FBXO25: variants seen among roughly 807,000 people sequenced by gnomAD.
The protein encoded by FBXO25 is F-box protein 25, also known as F-box only protein 25.
FBXO25 carries 45 observed loss-of-function variants against 51.9 expected under a neutral mutation model. That is an observed-to-expected ratio of 0.87 (90% CI 0.68 to 1.11). The LOEUF is 1.11. FBXO25 is among the 50% of genes most tolerant of loss of function. FBXO25 has a pLI of 0.00. For synonymous variants in FBXO25, 199 were observed against 151.0 expected, an observed-to-expected ratio of 1.32 and a Z score of -2.33; for missense variants, 507 against 428.5, an observed-to-expected ratio of 1.18 and a Z score of -1.62.
chr8:450,144 A>G (rs1038679282), intron 6 of FBXO25, 61 bp downstream of exon 6: 145 of 1,264,080 alleles, frequency 1.1e-4, no homozygotes, highest in Middle Eastern at 9.6e-4. Context: ...GTGCAAGGAG[A>G]TGGGATTTTT....
intron 2 of FBXO25, among the ~76,000 whole-genome samples, chr8:420,016 G>A (rs1248368197): frequency 6.6e-6 from 1 of 152,216 alleles, no homozygotes; most frequent in Admixed American, 6.5e-5. Flanking sequence ...ATGCAAATAA[G>A]CAGAGAAAAA....
chr8:439,295 G>A (rs188198752), intron 5 of FBXO25, among the ~76,000 whole-genome samples: 10 of 152,326 alleles, frequency 6.6e-5, no homozygotes, highest in South Asian at 2.1e-4. Context: ...CGAACAGCCC[G>A]AGGCTTGGGA....
intron 2 of FBXO25, among the ~76,000 whole-genome samples, chr8:427,828 A>T (rs1382714488): frequency 2.0e-5 from 3 of 150,796 alleles, no homozygotes; most frequent in African/African-American, 7.3e-5. Context: ...TAGCAATTTT[A>T]AAAACCGGAG....
At chr8:454,707 C>T (rs1046643416) in intron 7 of FBXO25, among the ~76,000 whole-genome samples, 1 of 151,908 alleles carries the variant, frequency 6.6e-6, no homozygotes, top group Non-Finnish European at 1.5e-5. Context: ...CTGGCTAACA[C>T]GGTGAAATCC....
rs2086182303 is a variant in FBXO25, at chr8:475,212, C to T, written c.*6408C>T. The stretch of plus-strand genomic sequence containing the variant: ...TTGTTGAAAAGACTGTCCTTTCTCC[C>T]TTGAATGGTCTTGGCACCATCAAAA... On this transcript the variant is annotated 3_prime_UTR_variant, in exon 10 of 10. Transcript: ENST00000350302. 3.1e-6 allele frequency: 1 copy of T among 321,656 alleles called. No individual in the cohort carries two copies. The highest frequency in any genetic ancestry group is 2.2e-5 in the African/African-American group (1 of 45,424). 19.9% of individuals were successfully genotyped at this position (321,656 alleles called of 1,614,324 possible).
At chr8:465,627 G>A (rs2116844021) in intron 9 of FBXO25, among the ~76,000 whole-genome samples, 1 of 152,254 alleles carries the variant, frequency 6.6e-6, no homozygotes, top group East Asian at 1.9e-4. Flanking sequence ...TCAGATTTCA[G>A]ATTTTTTTCA....
chr8:455,815 G>T (rs1799388353), intron 7 of FBXO25, among the ~76,000 whole-genome samples: 1 of 152,202 alleles, frequency 6.6e-6, no homozygotes, highest in African/African-American at 2.4e-5. Context: ...AACGCAGCAG[G>T]ATTTCTGACA....
At chr8:445,577 G>A (rs1269315177) in intron 5 of FBXO25, among the ~76,000 whole-genome samples, 1 of 152,208 alleles carries the variant, frequency 6.6e-6, no homozygotes, top group African/African-American at 2.4e-5. Context: ...ACTGGGCTGG[G>A]TGCAGTGGCT....
rs908188962 is a variant in FBXO25 at position 469,677 on chromosome 8, G to C, written c.*873G>C. ...TTTAAAATAACGCATGTCCATTTTA[G>C]AAAATTAGAAAATCAGTCCCACCAC... On this transcript the variant is annotated 3_prime_UTR_variant, in exon 10 of 10. Coordinates refer to ENST00000350302, the MANE Select transcript of FBXO25 (RefSeq NM_183420.2). 1 of 151,856 alleles carries C rather than the reference G, an allele frequency of 6.6e-6. No individual in the cohort carries two copies. Among genetic ancestry groups the C allele is most frequent in the African/African-American group, 2.4e-5 (1 of 41,298 alleles). The allele number at this position is 151,856 out of a possible 1,614,324, so 9.4% of individuals were successfully genotyped here. A position where few individuals can be genotyped will look rare whatever the true frequency, so the allele number is the denominator to read the frequency against.
Position 475,369 on chromosome 8 carries a change from G to A in FBXO25, c.*6565G>A, listed in dbSNP as rs7837120. On this transcript the variant is annotated 3_prime_UTR_variant, in exon 10 of 10. Coordinates refer to ENST00000350302, the MANE Select transcript of FBXO25 (RefSeq NM_183420.2). ...GCTTTGTCGTAAGTTATGAAATAAG[G>A]AAGTGAGAGACCTCCTACTTGGTTC... The A allele has an allele frequency of 0.026, 4,066 of 156,824 alleles. 168 individuals are homozygous for A. The highest frequency in any genetic ancestry group is 0.082 in the African/African-American group (3,395 of 41,504). 9.7% of individuals were successfully genotyped at this position (156,824 alleles called of 1,614,324 possible).
intron 1 of FBXO25, among the ~76,000 whole-genome samples, chr8:411,349 C>T (rs1384163981): frequency 6.6e-6 from 1 of 152,142 alleles, no homozygotes; most frequent in Non-Finnish European, 1.5e-5. Flanking sequence ...CTCCCTCTAC[C>T]TTTTTGGCTC....
At chr8:445,838 T>C (rs369867880) in intron 5 of FBXO25, among the ~76,000 whole-genome samples, 49 of 152,282 alleles carry the variant, frequency 3.2e-4, no homozygotes, top group African/African-American at 1.2e-3. Flanking sequence ...GCCATTGCAC[T>C]CCAGCCTGGG....
chr8:463,288 A>G (rs3735923), intron 9 of FBXO25, 138 bp downstream of exon 9: 126,563 of 974,744 alleles, frequency 0.13, 9,377 homozygotes, highest in African/African-American at 0.26. Context: ...TATTTTACCA[A>G]ATATTGGGGT....
At chr8:418,530 G>A (rs1259268610) in intron 2 of FBXO25, among the ~76,000 whole-genome samples, 2 of 151,816 alleles carry the variant, frequency 1.3e-5, no homozygotes, top group African/African-American at 4.8e-5. Context: ...AGTAGAAACA[G>A]GGTTTCACCA....
Position 469,386 on chromosome 8 carries a change from A to G in FBXO25, c.*582A>G, listed in dbSNP as rs888500569. On this transcript the variant is annotated 3_prime_UTR_variant, in exon 10 of 10. Coordinates refer to ENST00000350302, the MANE Select transcript of FBXO25 (RefSeq NM_183420.2). ...GTATGAAGTGTGCACACGCAGCCCAACAACGGGCAGTGGTCTCTGTGCTCC... is the reference window on the plus strand; with the variant it reads ...GTATGAAGTGTGCACACGCAGCCCAGCAACGGGCAGTGGTCTCTGTGCTCC... The G allele has an allele frequency of 6.6e-6, 1 of 152,378 alleles. No homozygotes were observed. The highest frequency in any genetic ancestry group is 2.4e-5 in the African/African-American group (1 of 41,448). The allele number at this position is 152,378 out of a possible 1,614,324, so 9.4% of individuals were successfully genotyped here.
chr8:426,828 G>A (rs1041404995), intron 2 of FBXO25, among the ~76,000 whole-genome samples: 3 of 152,076 alleles, frequency 2.0e-5, no homozygotes, highest in Admixed American at 2.0e-4. Context: ...TGGTGCTCTT[G>A]TCGCCCTCTG....
chr8:466,704 C>T (rs1303569900), intron 9 of FBXO25, among the ~76,000 whole-genome samples: 1 of 152,174 alleles, frequency 6.6e-6, no homozygotes, highest in African/African-American at 2.4e-5. Context: ...GCCACTTCAT[C>T]TGCTCCCAAG....
chr8:415,705 G>C (rs559185123), intron 2 of FBXO25, among the ~76,000 whole-genome samples: 3 of 152,308 alleles, frequency 2.0e-5, no homozygotes, highest in African/African-American at 7.2e-5. Context: ...TGAGGGTTCA[G>C]CTGGGGAAAT....
intron 5 of FBXO25, 43 bp downstream of exon 5, chr8:435,750 A>G: frequency 1.9e-6 from 3 of 1,559,498 alleles, no homozygotes; most frequent in South Asian, 1.2e-5. Context: ...ACTCTTTTGA[A>G]CAACTATATT....
Sources: allele counts gnomAD v4.1 joint callset (sites outside exome capture counted in the v4.1 genomes callset), GRCh38; gene constraint gnomAD v4.1.1; transcripts MANE v1.5; gene names NCBI Gene and HGNC (gene_info 2026-07-23, HGNC 2026-07-21).